OPCML: variants seen among roughly 807,000 people sequenced by gnomAD.
OPCML encodes the protein opioid binding protein/cell adhesion molecule like, also known as opioid-binding protein/cell adhesion molecule.
A neutral mutation model predicts 37.8 loss-of-function variants in OPCML; 13 were observed. The ratio of observed to expected loss-of-function variants is 0.34; its 90% CI spans 0.22 to 0.55. The LOEUF is 0.55. OPCML is among the 20% of genes least tolerant of loss of function. The pLI is 0.91. For synonymous variants in OPCML, 176 were observed against 168.8 expected (o/e 1.04, Z -0.33); for missense variants, 341 against 435.6 (o/e 0.78, Z 1.93).
intron 3 of OPCML, among the ~76,000 whole-genome samples, chr11:132,530,496 C>G (rs551550023): frequency 1.3e-5 from 2 of 152,262 alleles, no homozygotes; most frequent in Non-Finnish European, 2.9e-5. Flanking sequence ...CCAGAGCAGT[C>G]TTTCCAAGTA....
intron 2 of OPCML, among the ~76,000 whole-genome samples, chr11:132,804,395 C>A (rs1442118559): frequency 1.3e-5 from 2 of 152,134 alleles, no homozygotes; most frequent in African/African-American, 2.4e-5. Context: ...GAAAAGGAAG[C>A]CTCACAAGAT....
intron 1 of OPCML, chr11:133,360,892 C>A (rs1344325348): frequency 2.0e-5 from 3 of 152,262 alleles, no homozygotes; most frequent in African/African-American, 7.2e-5. Flanking sequence ...TAGTCACACG[C>A]GGTAGATACT....
intron 1 of OPCML, among the ~76,000 whole-genome samples, chr11:133,512,921 C>T (rs1316827955): frequency 1.3e-5 from 2 of 152,210 alleles, no homozygotes; most frequent in African/African-American, 4.8e-5. Flanking sequence ...TATTATATCA[C>T]AATATCACAC....
chr11:133,361,412 C>A (rs1944414175), intron 1 of OPCML: 1 of 152,436 alleles, frequency 6.6e-6, no homozygotes, highest in African/African-American at 2.4e-5. Flanking sequence ...GCCAGGCACC[C>A]CCTCCAGGTC....
chr11:132,601,288 C>T (rs967644694), intron 3 of OPCML, among the ~76,000 whole-genome samples: 1 of 152,062 alleles, frequency 6.6e-6, no homozygotes, highest in Non-Finnish European at 1.5e-5. Flanking sequence ...AGCTCTTATT[C>T]TGCTCCAGGA....
chr11:132,723,788 G>A (rs985552202), intron 2 of OPCML, among the ~76,000 whole-genome samples: 5 of 152,160 alleles, frequency 3.3e-5, no homozygotes, highest in African/African-American at 9.7e-5. Flanking sequence ...AGTTTCTAAG[G>A]TGGACACAAT....
chr11:133,069,946 G>A (rs1028566732), intron 1 of OPCML, among the ~76,000 whole-genome samples: 1 of 152,102 alleles, frequency 6.6e-6, no homozygotes, highest in African/African-American at 2.4e-5. Context: ...ATCTCCTGAT[G>A]AGCAAAAGCC....
intron 2 of OPCML, among the ~76,000 whole-genome samples, chr11:132,671,774 T>C (rs977701576): frequency 1.3e-5 from 2 of 151,792 alleles, no homozygotes; most frequent in African/African-American, 4.8e-5. Context: ...AAGTCGAGTT[T>C]CCTTATCATG....
In OPCML at chr11:132,938,450, G is replaced by A. The variant is rs118070246; in HGVS notation, c.146+4476C>T. 4.6e-5 allele frequency among the ~76,000 whole-genome samples: 7 copies of A among 152,244 alleles called. No individual in the cohort carries two copies. The East Asian group carries it at 1.2e-3, about 25-fold the overall frequency. On this transcript the variant is annotated intron_variant, in intron 2 of 7. Transcript: ENST00000524381. Reference sequence around the variant, plus strand: ...ATAAGTGTGGGGATAGAGGAAGAACGAGATGGAGCAGACAAAACTGAAAAA... The same window carrying A: ...ATAAGTGTGGGGATAGAGGAAGAACAAGATGGAGCAGACAAAACTGAAAAA...
At chr11:133,095,740 C>A (rs1194282087) in intron 1 of OPCML, among the ~76,000 whole-genome samples, 1 of 150,536 alleles carries the variant, frequency 6.6e-6, no homozygotes, top group African/African-American at 2.4e-5. Context: ...ACCTTATCTA[C>A]AGAGGAGAAA....
rs189742567 is a variant in OPCML, at chr11:133,055,602, G to A, written c.62-112592C>T. ...ACTCCATGAGGGAGCCGCCTCTACCGTACAATGCTGCCTCCATGATACTTC... is the reference window on the plus strand; with the variant it reads ...ACTCCATGAGGGAGCCGCCTCTACCATACAATGCTGCCTCCATGATACTTC... On this transcript the variant is annotated intron_variant, in intron 1 of 7. Coordinates refer to ENST00000524381, the MANE Select transcript of OPCML (RefSeq NM_001012393.5). Among the ~76,000 whole-genome samples, 85 of 145,382 alleles carry A rather than the reference G, an allele frequency of 5.8e-4. 2 individuals are homozygous for A. The East Asian group carries it at 0.012, about 21-fold the overall frequency.
chr11:133,367,126 G>A (rs1360467698), intron 1 of OPCML, among the ~76,000 whole-genome samples: 2 of 152,140 alleles, frequency 1.3e-5, no homozygotes, highest in African/African-American at 4.8e-5. Context: ...TTACAGGCAT[G>A]TACCACGACA....
chr11:132,435,481 G>A (rs2096009933), intron 7 of OPCML, among the ~76,000 whole-genome samples: 2 of 152,336 alleles, frequency 1.3e-5, no homozygotes, highest in Middle Eastern at 6.8e-3. Context: ...TATGGATGCG[G>A]CAGTGTGGGA....
intron 1 of OPCML, among the ~76,000 whole-genome samples, chr11:133,012,359 T>C (rs1013063844): frequency 6.6e-6 from 1 of 152,116 alleles, no homozygotes; most frequent in Non-Finnish European, 1.5e-5. Context: ...GCTTTTCTAG[T>C]ACAAACTACA....
intron 1 of OPCML, among the ~76,000 whole-genome samples, chr11:133,002,065 A>T (rs957227305): frequency 1.3e-5 from 2 of 152,244 alleles, no homozygotes; most frequent in African/African-American, 4.8e-5. Flanking sequence ...TCAGATGGTT[A>T]GACTGGGATT....
intron 1 of OPCML, among the ~76,000 whole-genome samples, chr11:133,289,105 A>G (rs1331870606): frequency 6.6e-6 from 1 of 152,184 alleles, no homozygotes; most frequent in African/African-American, 2.4e-5. Context: ...TTATCCGAGG[A>G]TTAGATGATG....
intron 3 of OPCML, among the ~76,000 whole-genome samples, chr11:132,567,961 G>T (rs775533005): frequency 6.6e-6 from 1 of 152,184 alleles, no homozygotes; most frequent in Non-Finnish European, 1.5e-5. Context: ...TAGGAAGTGC[G>T]GGTGTGAGAG....
intron 2 of OPCML, among the ~76,000 whole-genome samples, chr11:132,804,512 A>G (rs1938879958): frequency 6.6e-6 from 1 of 152,178 alleles, no homozygotes; most frequent in African/African-American, 2.4e-5. Flanking sequence ...GAACATAGCT[A>G]CTAAATGCAC....
At chr11:133,382,711 T>A (rs562918305) in intron 1 of OPCML, among the ~76,000 whole-genome samples, 1 of 152,272 alleles carries the variant, frequency 6.6e-6, no homozygotes, top group South Asian at 2.1e-4. Flanking sequence ...GAACATTGAT[T>A]CAGCAGGCAA....
Sources: allele counts gnomAD v4.1 joint callset (sites outside exome capture counted in the v4.1 genomes callset), GRCh38; gene constraint gnomAD v4.1.1; transcripts MANE v1.5; gene names NCBI Gene and HGNC (gene_info 2026-07-23, HGNC 2026-07-21).